The following PLEKHA7 variants were observed in gnomAD, a reference collection of about 807,000 sequenced individuals.
PLEKHA7 encodes the protein pleckstrin homology domain-containing family A member 7.
A neutral mutation model predicts 170.0 loss-of-function variants in PLEKHA7; 104 were observed. The observed-to-expected ratio is 0.61, with a 90% CI of 0.52 to 0.72. The LOEUF is 0.72. Among genes scored for constraint, PLEKHA7 ranks in the 30% least tolerant of loss-of-function variants. PLEKHA7 has a pLI of 0.00. For synonymous variants in PLEKHA7, 648 were observed against 660.8 expected, an observed-to-expected ratio of 0.98 and a Z score of 0.30; for missense variants, 1,615 against 1,671.7, an observed-to-expected ratio of 0.97 and a Z score of 0.59.
At chr11:16,780,933 G>A (rs917648630) in intron 26 of PLEKHA7, 7 of 952,998 alleles carry the variant, frequency 7.3e-6, no homozygotes, top group African/African-American at 1.8e-5. Flanking sequence ...ACCAGACAGG[G>A]GCTCTTACTT....
intron 3 of PLEKHA7, among the ~76,000 whole-genome samples, chr11:16,936,440 A>T (rs1860311623): frequency 6.8e-6 from 1 of 146,956 alleles, no homozygotes; most frequent in Non-Finnish European, 1.5e-5. Context: ...GGTCTCTATT[A>T]GAATAATGAC....
chr11:16,798,400 C>T (rs1440935230), intron 17 of PLEKHA7, among the ~76,000 whole-genome samples: 4 of 151,786 alleles, frequency 2.6e-5, no homozygotes, highest in East Asian at 3.9e-4. Flanking sequence ...AGTCATGGGG[C>T]TGAGTTCTCC....
At chr11:16,981,449 G>C (rs1863421032) in intron 3 of PLEKHA7, among the ~76,000 whole-genome samples, 1 of 152,134 alleles carries the variant, frequency 6.6e-6, no homozygotes, top group Admixed American at 6.5e-5. Context: ...GAAGAGAAGA[G>C]CTTCCTGGAA....
intron 3 of PLEKHA7, among the ~76,000 whole-genome samples, chr11:16,927,447 C>G (rs1367847478): frequency 6.6e-6 from 1 of 152,092 alleles, no homozygotes; most frequent in Non-Finnish European, 1.5e-5. Flanking sequence ...CAAAGCCCAC[C>G]CTTCTGTTAT....
intron 10 of PLEKHA7, among the ~76,000 whole-genome samples, chr11:16,821,333 G>A (rs1360465415): frequency 6.6e-6 from 1 of 152,088 alleles, no homozygotes; most frequent in Non-Finnish European, 1.5e-5. Context: ...TTACAAGTAT[G>A]CATTACTTTA....
At chr11:16,936,885 A>T (rs1860341594) in intron 3 of PLEKHA7, among the ~76,000 whole-genome samples, 1 of 152,244 alleles carries the variant, frequency 6.6e-6, no homozygotes. Flanking sequence ...AAGAACCCAT[A>T]ACTCACACAG....
At chr11:16,804,869 CTG>C (rs1848841739) in intron 13 of PLEKHA7, among the ~76,000 whole-genome samples, 1 of 151,906 alleles carries the variant, frequency 6.6e-6, no homozygotes, top group Non-Finnish European at 1.5e-5. Context: ...AACAAACAGA[CTG>C]TGCTGTCTCC....
intron 3 of PLEKHA7, among the ~76,000 whole-genome samples, chr11:16,907,308 G>A (rs1223273363): frequency 7.3e-6 from 1 of 137,242 alleles, no homozygotes; most frequent in Non-Finnish European, 1.6e-5. Flanking sequence ...GGAGGTGAGG[G>A]GCGCCTCTGC....
At chr11:16,823,145 C>T (rs1436757814) in intron 10 of PLEKHA7, among the ~76,000 whole-genome samples, 1 of 152,002 alleles carries the variant, frequency 6.6e-6, no homozygotes, top group African/African-American at 2.4e-5. Flanking sequence ...CAGGTGCATG[C>T]CACCACATCC....
chr11:16,978,300 G>A (rs1397363359), intron 3 of PLEKHA7, among the ~76,000 whole-genome samples: 2 of 152,140 alleles, frequency 1.3e-5, no homozygotes, highest in African/African-American at 4.8e-5. Context: ...GTAATTAGTG[G>A]CCACCTACTC....
chr11:16,946,958 G>A lies in PLEKHA7; in HGVS notation c.221+67031C>T, dbSNP rs538322564. Among the ~76,000 whole-genome samples the A allele has an allele frequency of 1.1e-4, 16 of 152,326 alleles. No individual in the cohort carries two copies. The South Asian group carries it at 3.3e-3, about 32-fold the overall frequency. ...GTTTGCAGGCCCCTAATCCCCAGGT[G>A]AAAGGGTAAAGTGATTGGGTCATCT... On this transcript the variant is annotated intron_variant, in intron 3 of 26. Transcript: ENST00000531066.
At chr11:16,957,689 ATTTTTTTC>A (rs1170940895) in intron 3 of PLEKHA7, among the ~76,000 whole-genome samples, 6 of 118,298 alleles carry the variant, frequency 5.1e-5, no homozygotes, top group African/African-American at 6.6e-5. Context: ...TACCTCAATA[ATTTTTTTC>A]TTTTTTTTTT....
chr11:17,008,557 T>G (rs967444395), intron 3 of PLEKHA7, among the ~76,000 whole-genome samples: 1 of 152,208 alleles, frequency 6.6e-6, no homozygotes, highest in Non-Finnish European at 1.5e-5. Flanking sequence ...TCCTTCCCAG[T>G]AAGGAGTTTT....
At chr11:16,914,144 T>A (rs58841129) in intron 3 of PLEKHA7, among the ~76,000 whole-genome samples, 29,122 of 150,918 alleles carry the variant, frequency 0.19, 4,468 homozygotes, top group African/African-American at 0.41. Flanking sequence ...AAAGCATATT[T>A]AAAAAAAAAG....
chr11:16,857,477 G>A (rs944613882), intron 4 of PLEKHA7, among the ~76,000 whole-genome samples: 1 of 152,224 alleles, frequency 6.6e-6, no homozygotes, highest in African/African-American at 2.4e-5. Flanking sequence ...TGTGCAGCAA[G>A]ATAACCGCTG....
At chr11:16,783,295 A>G (rs1021052246) in intron 25 of PLEKHA7, among the ~76,000 whole-genome samples, 1 of 152,204 alleles carries the variant, frequency 6.6e-6, no homozygotes, top group Non-Finnish European at 1.5e-5. Context: ...TGCCCTACGG[A>G]CAAGGCTGGC....
intron 3 of PLEKHA7, among the ~76,000 whole-genome samples, chr11:16,905,352 T>C (rs7933299): frequency 0.83 from 125,842 of 152,206 alleles, 52,252 homozygotes; most frequent in East Asian, 0.96. Context: ...AATATGGCTG[T>C]TTTTCCCCTT....
chr11:16,797,242 G>A (rs1848296979), intron 17 of PLEKHA7, among the ~76,000 whole-genome samples: 1 of 152,148 alleles, frequency 6.6e-6, no homozygotes, highest in Non-Finnish European at 1.5e-5. Flanking sequence ...AACATCAAAT[G>A]TAGTATTCTC....
intron 3 of PLEKHA7, among the ~76,000 whole-genome samples, chr11:16,883,669 A>G (rs72864065): frequency 0.012 from 1,831 of 152,228 alleles, 23 homozygotes; most frequent in Non-Finnish European, 0.017. Flanking sequence ...TCTTCCAAGT[A>G]GCCCTTCCTA....
Sources: gnomAD v4.1 joint callset for allele counts (sites outside exome capture counted in the v4.1 genomes callset) on GRCh38, gnomAD v4.1.1 for gene constraint, MANE v1.5 for transcripts, NCBI Gene and HGNC (gene_info 2026-07-23, HGNC 2026-07-21) for gene names.